ARHGAP6: variants seen among roughly 807,000 people sequenced by gnomAD.
ARHGAP6 encodes the protein rho GTPase-activating protein 6.
ARHGAP6 carries 16 observed loss-of-function variants against 55.7 expected under a neutral mutation model. That is an observed-to-expected ratio of 0.29 (90% CI 0.19 to 0.44). ARHGAP6 has a LOEUF of 0.44. Ranked by LOEUF, ARHGAP6 falls within the 20% of genes least tolerant of loss-of-function variation. The pLI, the probability that ARHGAP6 is intolerant of heterozygous loss-of-function variation, is 1.00. For synonymous variants in ARHGAP6, 382 were observed against 360.9 expected (o/e 1.06, Z -0.66); for missense variants, 698 against 808.9 (o/e 0.86, Z 1.66).
chrX:11,426,980 C>G lies in ARHGAP6; in HGVS notation c.589-172273G>C, dbSNP rs150928030. The stretch of plus-strand genomic sequence containing the variant: ...GGGGGAAGGTACGACAGAAGAGCCC[C>G]TGGTATTCTCTTGTATTAGCGTGCA... On this transcript the variant is annotated intron_variant, in intron 1 of 12. Transcript: ENST00000337414. Among the ~76,000 whole-genome samples the G allele has an allele frequency of 4.9e-3, 535 of 109,945 alleles. 2 individuals are homozygous for G. Among genetic ancestry groups the G allele is most frequent in the Non-Finnish European group, 7.1e-3 (373 of 52,709 alleles).
intron 1 of ARHGAP6, among the ~76,000 whole-genome samples, chrX:11,442,336 A>ATTCT (rs767329160): frequency 3.6e-5 from 4 of 111,079 alleles, no homozygotes; most frequent in African/African-American, 1.3e-4. Flanking sequence ...AACTGCCTCA[A>ATTCT]TTCTTCCTTT....
At chrX:11,280,844 A>G (rs1225526299) in intron 1 of ARHGAP6, among the ~76,000 whole-genome samples, 1 of 111,326 alleles carries the variant, frequency 9.0e-6, no homozygotes, top group Non-Finnish European at 1.9e-5. Flanking sequence ...CAATACTTGC[A>G]AAATGTGCAA....
chrX:11,521,814 T>C (rs1016549200), intron 1 of ARHGAP6, among the ~76,000 whole-genome samples: 2 of 111,372 alleles, frequency 1.8e-5, no homozygotes, highest in African/African-American at 3.3e-5. Flanking sequence ...TCCATTTCTT[T>C]GTATCCTCTT....
In ARHGAP6 at chrX:11,524,230, C is replaced by T. The variant is rs1370364954; in HGVS notation, c.588+140011G>A. ...AGTCCACACTGTATTTCCTAGCCTG[C>T]CTTGCATTGACTGATTTCTAGTCAA... On this transcript the variant is annotated intron_variant, in intron 1 of 12. Coordinates refer to ENST00000337414, the MANE Select transcript of ARHGAP6 (RefSeq NM_013427.3). Among the ~76,000 whole-genome samples, 4 of 111,646 alleles carry T rather than the reference C, an allele frequency of 3.6e-5. No homozygotes were observed. The Admixed American group carries it at 3.8e-4, about 11-fold the overall frequency.
intron 1 of ARHGAP6, among the ~76,000 whole-genome samples, chrX:11,342,035 G>T (rs779403817): frequency 1.0e-5 from 1 of 97,124 alleles, no homozygotes; most frequent in African/African-American, 3.9e-5. Context: ...TTGGATATCT[G>T]ACTCTGATTT....
intron 9 of ARHGAP6, 22 bp downstream of exon 9, chrX:11,169,483 C>T: frequency 8.6e-7 from 1 of 1,167,256 alleles, no homozygotes; most frequent in Non-Finnish European, 1.1e-6. Flanking sequence ...CTGTGATGTC[C>T]TGCCACAGAA....
intron 1 of ARHGAP6, among the ~76,000 whole-genome samples, chrX:11,560,261 G>A (rs1214044228): frequency 8.9e-6 from 1 of 111,749 alleles, no homozygotes; most frequent in Non-Finnish European, 1.9e-5. Context: ...GAAGCCACAG[G>A]TAATGTGTAA....
intron 1 of ARHGAP6, among the ~76,000 whole-genome samples, chrX:11,469,844 CA>C (rs2050330734): frequency 9.0e-6 from 1 of 111,400 alleles, no homozygotes; most frequent in Non-Finnish European, 1.9e-5. Context: ...ACTTGTGAGT[CA>C]AAAGAGGCAG....
At chrX:11,487,162 T>G (rs2050519681) in intron 1 of ARHGAP6, among the ~76,000 whole-genome samples, 1 of 112,191 alleles carries the variant, frequency 8.9e-6, no homozygotes, top group South Asian at 3.7e-4. Context: ...TAAATACATA[T>G]GTAGATGTAT....
intron 1 of ARHGAP6, among the ~76,000 whole-genome samples, chrX:11,527,423 G>A (rs1257189969): frequency 9.0e-6 from 1 of 111,249 alleles, no homozygotes; most frequent in African/African-American, 3.3e-5. Context: ...ACCAGCCTGG[G>A]CAACATGGCG....
intron 1 of ARHGAP6, among the ~76,000 whole-genome samples, chrX:11,650,646 T>C (rs2052574459): frequency 8.9e-6 from 1 of 112,536 alleles, no homozygotes. Flanking sequence ...TAAAGAACCC[T>C]GAACAAAAAC....
chrX:11,365,877 T>A (rs1213099381), intron 1 of ARHGAP6, among the ~76,000 whole-genome samples: 1 of 112,123 alleles, frequency 8.9e-6, no homozygotes. Flanking sequence ...CAAAATATCA[T>A]TTGCTTTTCA....
intron 1 of ARHGAP6, among the ~76,000 whole-genome samples, chrX:11,537,524 G>A (rs771878531): frequency 8.9e-6 from 1 of 112,230 alleles, no homozygotes; most frequent in African/African-American, 3.2e-5. Context: ...GGTTTTTCGT[G>A]TCTCTAATAT....
At chrX:11,349,224 T>C (rs2048826668) in intron 1 of ARHGAP6, among the ~76,000 whole-genome samples, 1 of 111,423 alleles carries the variant, frequency 9.0e-6, no homozygotes, top group African/African-American at 3.3e-5. Context: ...TTTTGCTGAA[T>C]TGACAATGTG....
chrX:11,659,163 T>C (rs1221187641), intron 1 of ARHGAP6, among the ~76,000 whole-genome samples: 1 of 111,269 alleles, frequency 9.0e-6, no homozygotes, highest in Non-Finnish European at 1.9e-5. Flanking sequence ...AATATAAAAG[T>C]ATTATGTTTA....
chrX:11,623,653 C>T (rs1166147412), intron 1 of ARHGAP6, among the ~76,000 whole-genome samples: 3 of 101,755 alleles, frequency 2.9e-5, no homozygotes, highest in Non-Finnish European at 6.0e-5. Context: ...GCCGAGATCG[C>T]GCCACTGCAC....
At chrX:11,509,903 C>T (rs1462596704) in intron 1 of ARHGAP6, among the ~76,000 whole-genome samples, 1 of 111,711 alleles carries the variant, frequency 9.0e-6, no homozygotes, top group African/African-American at 3.3e-5. Flanking sequence ...TTCATAGGCC[C>T]CACTTCCAGG....
chrX:11,529,481 A>G (rs2051026057), intron 1 of ARHGAP6, among the ~76,000 whole-genome samples: 1 of 112,282 alleles, frequency 8.9e-6, no homozygotes, highest in Non-Finnish European at 1.9e-5. Context: ...TATGGTGCCA[A>G]ATTTCTATAA....
chrX:11,604,434 T>C (rs1360487767), intron 1 of ARHGAP6, among the ~76,000 whole-genome samples: 4 of 111,738 alleles, frequency 3.6e-5, no homozygotes, highest in Admixed American at 9.5e-5. Context: ...TGGCTCAAGT[T>C]TGAGTCACAA....
Sources: gnomAD v4.1 joint callset for allele counts (sites outside exome capture counted in the v4.1 genomes callset) on GRCh38, gnomAD v4.1.1 for gene constraint, MANE v1.5 for transcripts, NCBI Gene and HGNC (gene_info 2026-07-23, HGNC 2026-07-21) for gene names.